PUM2: variants seen among roughly 807,000 people sequenced by gnomAD.
The protein encoded by PUM2 is pumilio homolog 2.
Under a neutral mutation model 124.5 loss-of-function variants are expected in PUM2, and 57 were observed. The ratio of observed to expected loss-of-function variants is 0.46; its 90% CI spans 0.37 to 0.57. PUM2 has a LOEUF of 0.57. PUM2 is among the 20% of genes least tolerant of loss of function. The pLI, the probability that PUM2 is intolerant of heterozygous loss-of-function variation, is 0.00. For synonymous variants in PUM2, 460 were observed against 446.1 expected, an observed-to-expected ratio of 1.03 and a Z score of -0.39; for missense variants, 1,065 against 1,290.6, an observed-to-expected ratio of 0.83 and a Z score of 2.68.
rs1558608436 is a variant in PUM2 at position 20,308,372 on chromosome 2, A to G, written c.731T>C (p.Val244Ala). 1 of 1,614,050 alleles carries G rather than the reference A, an allele frequency of 6.2e-7. No individual in the cohort carries two copies. Among genetic ancestry groups the G allele is most frequent in the Admixed American group, 1.7e-5 (1 of 60,024 alleles). The change falls in exon 6 of 21, where the codon GTA (valine) becomes GCA (alanine). Residue 244 changes from valine to alanine, a missense_variant. Physicochemically the swap from Val to Ala is moderately conservative, Grantham distance 64. Transcript: ENST00000361078. ...SLQFDYPGNQVPMDSSGATVG... is the reference protein window; with the variant it reads ...SLQFDYPGNQAPMDSSGATVG... ...AGTAGCTCCTGAAGAGTCCATTGGT[A>G]CCTGATTACCAGGATAGTCAAACTG...
rs534561561 is a variant in PUM2, at chr2:20,306,221, A to C, written c.883+1757T>G. On this transcript the variant is annotated intron_variant, in intron 7 of 20. Coordinates refer to ENST00000361078, the MANE Select transcript of PUM2 (RefSeq NM_015317.5). ...CCTCCTTGTCAAAGAAACAACAACAAAAACAATAACAACAAAAAAAACCTG... is the reference window on the plus strand; with the variant it reads ...CCTCCTTGTCAAAGAAACAACAACACAAACAATAACAACAAAAAAAACCTG... Among the ~76,000 whole-genome samples the C allele has an allele frequency of 4.6e-5, 7 of 152,278 alleles. No homozygotes were observed. The East Asian group carries it at 1.4e-3, about 29-fold the overall frequency.
intron 7 of PUM2, among the ~76,000 whole-genome samples, chr2:20,298,052 T>C (rs1676055321): frequency 6.6e-6 from 1 of 152,232 alleles, no homozygotes; most frequent in African/African-American, 2.4e-5. Flanking sequence ...TGGTAAATAG[T>C]AGTTTTTCAC....
Position 20,251,501 on chromosome 2 carries a change from T to C in PUM2, c.*84A>G. The C allele has an allele frequency of 2.8e-6, 4 of 1,436,096 alleles. No homozygotes were observed. The highest frequency in any genetic ancestry group is 2.4e-5 in the East Asian group (1 of 41,920). 89.0% of individuals were successfully genotyped at this position (1,436,096 alleles called of 1,614,324 possible). A position where few individuals can be genotyped will look rare whatever the true frequency, so the allele number is the denominator to read the frequency against. ...GCTTTAAAAAAAAATTGAAGATTCA[T>C]AGTTGAGTTGTGTTTTGATAATTCA... On this transcript the variant is annotated 3_prime_UTR_variant, in exon 21 of 21. Transcript: ENST00000361078.
chr2:20,252,564 T>C (rs1334156351), intron 20 of PUM2, among the ~76,000 whole-genome samples: 2 of 152,252 alleles, frequency 1.3e-5, no homozygotes, highest in Non-Finnish European at 2.9e-5. Flanking sequence ...GTTTTGTAAA[T>C]GAATTCATTA....
At position 20,307,945 on chromosome 2, in the gene PUM2, CTT is replaced by C. The variant is rs144165074; in HGVS notation, c.883+31_883+32del. 4,814 of 1,589,710 alleles carry C rather than the reference CTT, an allele frequency of 3.0e-3. 110 individuals are homozygous for C. In the African/African-American group the frequency reaches 0.049, roughly 16 times the overall value. ...AAACATCCTAGACATTTTAACAAGA[CTT>C]TGGTCAAAATGAGAACGTATGAAGA... On this transcript the variant is annotated intron_variant, in intron 7 of 20. Transcript: ENST00000361078.
intron 9 of PUM2, among the ~76,000 whole-genome samples, chr2:20,293,702 C>CTAAAAA (rs1674791041): frequency 6.6e-6 from 1 of 150,560 alleles, no homozygotes; most frequent in Non-Finnish European, 1.5e-5. Context: ...AGTAAGACTG[C>CTAAAAA]TAAAAATAAA....
intron 12 of PUM2, 147 bp from the exon 13 acceptor site, chr2:20,278,966 T>C: frequency 1.6e-6 from 1 of 629,278 alleles, no homozygotes; most frequent in Non-Finnish European, 2.7e-6. Flanking sequence ...GATAACTATA[T>C]ATACTAACTT....
intron 1 of PUM2, among the ~76,000 whole-genome samples, chr2:20,347,394 C>T (rs1688450933): frequency 6.6e-6 from 1 of 152,084 alleles, no homozygotes; most frequent in African/African-American, 2.4e-5. Context: ...GGAAAAAAAA[C>T]ACTAACATGT....
At chr2:20,263,795 A>G (rs1666878545) in intron 13 of PUM2, among the ~76,000 whole-genome samples, 1 of 152,238 alleles carries the variant, frequency 6.6e-6, no homozygotes, top group Non-Finnish European at 1.5e-5. Context: ...TACATTAACA[A>G]GCAAGTTTAA....
At position 20,249,554 on chromosome 2, in the gene PUM2, G is replaced by T. The variant is rs1385875554; in HGVS notation, c.*2031C>A. The T allele has an allele frequency of 6.6e-6, 1 of 152,594 alleles. No homozygotes were observed. The highest frequency in any genetic ancestry group is 1.9e-4 in the East Asian group (1 of 5,200). 9.5% of individuals were successfully genotyped at this position (152,594 alleles called of 1,614,324 possible). ...CTCAACACCAAACATGAAAAAGTAT[G>T]CCTGGCATCCCCAAACTTTATGCCA... On this transcript the variant is annotated 3_prime_UTR_variant, in exon 21 of 21. Coordinates refer to ENST00000361078, the MANE Select transcript of PUM2 (RefSeq NM_015317.5).
intron 16 of PUM2, among the ~76,000 whole-genome samples, chr2:20,257,652 T>C (rs1035538980): frequency 6.6e-6 from 1 of 152,222 alleles, no homozygotes; most frequent in African/African-American, 2.4e-5. Flanking sequence ...AATATTCTTG[T>C]CTATTTCAAA....
intron 1 of PUM2, among the ~76,000 whole-genome samples, chr2:20,343,702 G>A (rs1035100912): frequency 2.0e-5 from 3 of 152,182 alleles, no homozygotes; most frequent in Non-Finnish European, 4.4e-5. Context: ...AGGAATTCGA[G>A]ACCACATGGG....
chr2:20,294,302 C>T (rs570117172), intron 9 of PUM2, 74 bp downstream of exon 9: 2 of 1,538,564 alleles, frequency 1.3e-6, no homozygotes, highest in East Asian at 2.3e-5. Flanking sequence ...AGTCGAAAAA[C>T]ACAAATCTTA....
At chr2:20,311,773 G>C in intron 4 of PUM2, 110 bp from the exon 5 acceptor site, 2 of 1,141,694 alleles carry the variant, frequency 1.8e-6, no homozygotes, top group South Asian at 3.3e-5. Context: ...TAAAAGCATT[G>C]AATCTTATTT....
At chr2:20,312,740 A>T (rs1187351456) in intron 3 of PUM2, among the ~76,000 whole-genome samples, 2 of 152,164 alleles carry the variant, frequency 1.3e-5, no homozygotes, top group African/African-American at 4.8e-5. Flanking sequence ...TATGGAACCA[A>T]AAAAGAGTCC....
intron 16 of PUM2, among the ~76,000 whole-genome samples, chr2:20,257,159 T>TA (rs1558478077): frequency 2.0e-5 from 3 of 151,786 alleles, no homozygotes; most frequent in African/African-American, 7.3e-5. Flanking sequence ...AAAGACATTT[T>TA]AAAAATATCT....
chr2:20,313,319 G>C (rs1680098651), intron 3 of PUM2, among the ~76,000 whole-genome samples: 2 of 152,094 alleles, frequency 1.3e-5, no homozygotes, highest in African/African-American at 4.8e-5. Flanking sequence ...TAACTGGCTG[G>C]AGCACACATC....
Position 20,332,582 on chromosome 2 carries a change from T to C in PUM2, c.-18-5204A>G, listed in dbSNP as rs569483043. ...AATACCATATCCATATAAACTATAA[T>C]AAAGTTGAAGAGATGGGGAGACAGT... On this transcript the variant is annotated intron_variant, in intron 1 of 20. Transcript: ENST00000361078. Among the ~76,000 whole-genome samples the C allele has an allele frequency of 1.6e-4, 24 of 152,204 alleles. No homozygotes were observed. The South Asian group carries it at 1.9e-3, about 12-fold the overall frequency.
In PUM2 at chr2:20,278,726, A is replaced by G. The variant is rs1278648272; in HGVS notation, c.1814T>C (p.Ile605Thr). 5 of 1,613,618 alleles carry G rather than the reference A, an allele frequency of 3.1e-6. No individual in the cohort carries two copies. The highest frequency in any genetic ancestry group is 4.2e-6 in the Non-Finnish European group (5 of 1,179,692). ...CAGACTATTGTAAAATGGTTGCCCT[A>G]TGGGTGCTAGGCTGCTACTAGATCT... Reference protein sequence around the residue: ...YKRSSSSLAPIGQPFYNSLGF... With the variant: ...YKRSSSSLAPTGQPFYNSLGF... The change falls in exon 13 of 21, where the codon ATA becomes ACA. Residue 605 changes from isoleucine (I) to threonine (T), a missense_variant. Around this residue, in one of 3 missense-constraint regions of PUM2, gnomAD observed 968 missense variants for 1,159.8 expected, o/e 0.83. Transcript: ENST00000361078.
Sources: allele counts gnomAD v4.1 joint callset (sites outside exome capture counted in the v4.1 genomes callset), GRCh38; gene constraint gnomAD v4.1.1; regional missense constraint gnomAD v4.1.1; transcripts MANE v1.5; gene names NCBI Gene and HGNC (gene_info 2026-07-23, HGNC 2026-07-21).